Variants in PNMA5 observed in about 807,000 individuals in gnomAD.
PNMA5 encodes paraneoplastic antigen-like protein 5.
For missense variants in PNMA5, 334 were observed against 356.6 expected (o/e 0.94, Z 0.51); for synonymous variants, 138 against 137.9 (o/e 1.00, Z 0.00).
Position 152,990,840 on chromosome X carries a change from C to T in PNMA5, c.759G>A (p.Pro253=), listed in dbSNP as rs782116075. ...AAGTGGAGACTTTCTCTCCAATCTT[C>T]GGAGAGGTCTGCAGAAACCTAAACT... ...ASQFRFLQTS[P]KIGEKVSTFL... The change falls in exon 4 of 4, where the codon CCG becomes CCA. Residue 253 remains proline, a synonymous_variant. Transcript: ENST00000535214. 29 of 1,203,060 alleles carry T rather than the reference C, an allele frequency of 2.4e-5. No individual in the cohort carries two copies. Among genetic ancestry groups the T allele is most frequent in the South Asian group, 3.6e-5 (2 of 55,320 alleles).
Position 152,990,984 on chromosome X carries a change from A to T in PNMA5, c.615T>A (p.Arg205=). ...EKRRRLLESL[R]GPALSIMRVL... ...CCCGCATGATTGACAGAGCAGGCCC[A>T]CGTAAGCTCTCCAGCAAACGCCGCC... Residue 205 remains arginine, a synonymous_variant, in exon 4 of 4, where the codon CGT becomes CGA. Transcript: ENST00000535214. The T allele has an allele frequency of 8.3e-7, 1 of 1,198,832 alleles. No individual in the cohort carries two copies. Among genetic ancestry groups the T allele is most frequent in the Non-Finnish European group, 1.1e-6 (1 of 890,245 alleles).
Position 152,991,457 on chromosome X carries a change from C to T in PNMA5, c.142G>A (p.Ala48Thr), listed in dbSNP as rs200173729. 147 of 1,204,110 alleles carry T rather than the reference C, an allele frequency of 1.2e-4. No homozygotes were observed. Among genetic ancestry groups the T allele is most frequent in the South Asian group, 1.1e-4 (6 of 55,294 alleles). Residue 48 changes from alanine to threonine, a missense_variant, in exon 4 of 4, where the codon GCA (alanine) becomes ACA (threonine). Coordinates refer to ENST00000535214, the MANE Select transcript of PNMA5 (RefSeq NM_001184924.2). ...TVKAGLQPLC[A>T]YRVLGRMFRR... ...AACATTCTCCCTAGGACCCTGTATG[C>T]GCACAGGGGCTGTAAGCCTGCCTTC...
In PNMA5 at chrX:152,990,917, G is replaced by A; in HGVS notation, c.682C>T (p.Leu228Phe). Residue 228 changes from leucine to phenylalanine, a missense_variant, in exon 4 of 4, where the codon CTT (leucine) becomes TTT (phenylalanine). Transcript: ENST00000535214. ...CCAAAGATCTGCTTTAGGGCGTCAA[G>A]GCACTGCTCCACAGTTATGGAGTCA... ...NNDSITVEQC[L>F]DALKQIFGDK... The A allele has an allele frequency of 8.3e-7, 1 of 1,202,946 alleles. No individual in the cohort carries two copies. The highest frequency in any genetic ancestry group is 1.8e-5 in the South Asian group (1 of 54,661).
In PNMA5 at chrX:152,991,473, G is replaced by C; in HGVS notation, c.126C>G (p.Gly42=). The change falls in exon 4 of 4, where the codon GGC becomes GGG. Residue 42 remains glycine, a synonymous_variant. Transcript: ENST00000535214. ...CCCTGTATGCGCACAGGGGCTGTAAGCCTGCCTTCACAGTGTCCTGAATTT... is the reference window on the plus strand; with the variant it reads ...CCCTGTATGCGCACAGGGGCTGTAACCCTGCCTTCACAGTGTCCTGAATTT... ...EVEIQDTVKA[G]LQPLCAYRVL... is the part of the protein sequence containing the mutation. The C allele has an allele frequency of 6.6e-6, 8 of 1,208,025 alleles. No individual in the cohort carries two copies. The highest frequency in any genetic ancestry group is 8.9e-6 in the Non-Finnish European group (8 of 893,911).
In PNMA5 at chrX:152,991,110, C is replaced by A. The variant is rs782386047; in HGVS notation, c.489G>T (p.Ser163=). ...SMWYRKLKVF[S]GTASPSPGEE... ...CGCCTGGGCTAGGGGAAGCAGTTCC[C>A]GAAAACACTTTCAGTTTCCTGTACC... The change falls in exon 4 of 4, where the codon TCG becomes TCT. Residue 163 remains serine (S), a synonymous_variant. Transcript: ENST00000535214. 5 of 1,206,216 alleles carry A rather than the reference C, an allele frequency of 4.1e-6. No individual in the cohort carries two copies. Among genetic ancestry groups the A allele is most frequent in the Non-Finnish European group, 5.6e-6 (5 of 893,376 alleles).
At chrX:152,992,464 T>C (rs1488210103) in intron 2 of PNMA5, among the ~76,000 whole-genome samples, 193 bp downstream of exon 2, 1 of 111,903 alleles carries the variant, frequency 8.9e-6, no homozygotes, top group Admixed American at 9.4e-5. Flanking sequence ...TTCAATTGTG[T>C]GGAAGCTGAA....
At position 152,991,378 on chromosome X, in the gene PNMA5, T is replaced by C; in HGVS notation, c.221A>G (p.Asn74Ser). The C allele has an allele frequency of 2.5e-6, 3 of 1,200,488 alleles. No homozygotes were observed. The highest frequency in any genetic ancestry group is 2.2e-6 in the Non-Finnish European group (2 of 890,291). ...AVFIELADTV[N>S]YTTLPSHIPG... ...TATGTGACTGGGCAGAGTAGTGTAA[T>C]TGACAGTGTCAGCCAGTTCAATGAA... The change falls in exon 4 of 4, where the codon AAT becomes AGT. Residue 74 changes from asparagine to serine, a missense_variant. Physicochemically the swap from Asn to Ser is conservative, Grantham distance 46 (BLOSUM62 1). Transcript: ENST00000535214.
chrX:152,992,903 T>C (rs1035436787), intron 1 of PNMA5, 117 bp from the exon 2 acceptor site: 11 of 103,327 alleles, frequency 1.1e-4, no homozygotes, highest in Non-Finnish European at 1.2e-4. Flanking sequence ...GGTGCAGGGA[T>C]AGAAGAAACT....
chrX:152,990,916 A>G lies in PNMA5; in HGVS notation c.683T>C (p.Leu228Pro). ...CCCAAAGATCTGCTTTAGGGCGTCA[A>G]GGCACTGCTCCACAGTTATGGAGTC... ...NNDSITVEQC[L>P]DALKQIFGDK... The change falls in exon 4 of 4, where the codon CTT becomes CCT. Residue 228 changes from leucine to proline, a missense_variant. Transcript: ENST00000535214. The G allele has an allele frequency of 8.3e-7, 1 of 1,203,863 alleles. No individual in the cohort carries two copies. The highest frequency in any genetic ancestry group is 1.1e-6 in the Non-Finnish European group (1 of 892,341).
intron 1 of PNMA5, among the ~76,000 whole-genome samples, chrX:152,993,343 C>G (rs1016307711): frequency 4.6e-5 from 5 of 108,965 alleles, no homozygotes; most frequent in Non-Finnish European, 7.6e-5. Context: ...CTGATATCCC[C>G]AAATCCCCTA....
Position 152,990,941 on chromosome X carries a change from C to T in PNMA5, c.658G>A (p.Asp220Asn). The T allele has an allele frequency of 8.4e-7, 1 of 1,194,339 alleles. No homozygotes were observed. The highest frequency in any genetic ancestry group is 1.1e-6 in the Non-Finnish European group (1 of 888,252). ...SIMRVLQANN[D>N]SITVEQCLDA... ...AGGCACTGCTCCACAGTTATGGAGT[C>T]ATTGTTGGCCTGGAGCACCCGCATG... The change falls in exon 4 of 4, where the codon GAC (aspartate) becomes AAC (asparagine). Residue 220 changes from aspartate to asparagine, a missense_variant. Asp to Asn is a conservative substitution (Grantham distance 23). Transcript: ENST00000535214.
chrX:152,993,386 C>T (rs912750678), intron 1 of PNMA5, among the ~76,000 whole-genome samples: 2 of 110,364 alleles, frequency 1.8e-5, no homozygotes, highest in East Asian at 5.7e-4. Flanking sequence ...AATCCCCACC[C>T]GGTTATCTAC....
At position 152,990,965 on chromosome X, in the gene PNMA5, T is replaced by G. The variant is rs782321708; in HGVS notation, c.634A>C (p.Met212Leu). Reference sequence around the variant, plus strand: ...TCATTGTTGGCCTGGAGCACCCGCATGATTGACAGAGCAGGCCCACGTAAG... The same window carrying G: ...TCATTGTTGGCCTGGAGCACCCGCAGGATTGACAGAGCAGGCCCACGTAAG... ...ESLRGPALSI[M>L]RVLQANNDSI... Residue 212 changes from methionine (M) to leucine (L), a missense_variant, in exon 4 of 4, where the codon ATG (methionine) becomes CTG (leucine). Coordinates refer to ENST00000535214, the MANE Select transcript of PNMA5 (RefSeq NM_001184924.2). The G allele has an allele frequency of 8.4e-7, 1 of 1,195,865 alleles. No individual in the cohort carries two copies. Among genetic ancestry groups the G allele is most frequent in the Admixed American group, 2.3e-5 (1 of 43,618 alleles).
Position 152,990,205 on chromosome X carries a change from ATG to A in PNMA5, c.*45_*46del. On this transcript the variant is annotated 3_prime_UTR_variant, in exon 4 of 4. Coordinates refer to ENST00000535214, the MANE Select transcript of PNMA5 (RefSeq NM_001184924.2). ...TAAGCTGCCCCTTCCCCTTGTTCAA[ATG>A]TCCCTGCTGCCTGCCAGGGGAAGGA... 9.5e-7 allele frequency: 1 copy of A among 1,056,252 alleles called. No individual in the cohort carries two copies. Among genetic ancestry groups the A allele is most frequent in the Non-Finnish European group, 1.2e-6 (1 of 817,662 alleles). The allele number at this position is 1,056,252 out of a possible 1,213,427, so 87.0% of individuals were successfully genotyped here. A position where few individuals can be genotyped will look rare whatever the true frequency, so the allele number is the denominator to read the frequency against.
intron 1 of PNMA5, among the ~76,000 whole-genome samples, chrX:152,992,996 G>T (rs1407160251): frequency 2.1e-5 from 2 of 96,356 alleles, no homozygotes; most frequent in Non-Finnish European, 4.2e-5. Context: ...AGGGAGGTAG[G>T]GGGTGGGGGC....
chrX:152,990,908 G>A lies in PNMA5; in HGVS notation c.691C>T (p.Leu231=). The A allele has an allele frequency of 8.3e-7, 1 of 1,205,279 alleles. No homozygotes were observed. The highest frequency in any genetic ancestry group is 1.1e-6 in the Non-Finnish European group (1 of 892,925). The stretch of plus-strand genomic sequence containing the variant: ...TCTTTATCCCCAAAGATCTGCTTTA[G>A]GGCGTCAAGGCACTGCTCCACAGTT... ...SITVEQCLDA[L]KQIFGDKEDF... is the part of the protein sequence containing the mutation. The change falls in exon 4 of 4, where the codon CTA becomes TTA. Residue 231 remains leucine, a synonymous_variant. Coordinates refer to ENST00000535214, the MANE Select transcript of PNMA5 (RefSeq NM_001184924.2).
chrX:152,991,266 T>C lies in PNMA5; in HGVS notation c.333A>G (p.Lys111=). The change falls in exon 4 of 4, where the codon AAA becomes AAG. Residue 111 remains lysine (K), a synonymous_variant. Transcript: ENST00000535214. ...EFLSRLNYFL[K]DEGRSMTDVA... ...CATCTGTCATACTTCGGCCCTCATC[T>C]TTCAGGAAGTAGTTCAGTCTACTGA... 8.3e-7 allele frequency: 1 copy of C among 1,205,123 alleles called. No individual in the cohort carries two copies. Among genetic ancestry groups the C allele is most frequent in the Non-Finnish European group, 1.1e-6 (1 of 892,578 alleles).
chrX:152,990,635 T>C lies in PNMA5; in HGVS notation c.964A>G (p.Met322Val). Residue 322 changes from methionine (M) to valine (V), a missense_variant, in exon 4 of 4, where the codon ATG (methionine) becomes GTG (valine). Coordinates refer to ENST00000535214, the MANE Select transcript of PNMA5 (RefSeq NM_001184924.2). ...TCTTCTTCATCTCGAATGAGCTTCATTAACTCCAGAAAATTGGGAGGACAC... is the reference window on the plus strand; with the variant it reads ...TCTTCTTCATCTCGAATGAGCTTCACTAACTCCAGAAAATTGGGAGGACAC... Reference protein sequence around the residue: ...RGCPPNFLELMKLIRDEEEWE... With the variant: ...RGCPPNFLELVKLIRDEEEWE... 1 of 1,174,110 alleles carries C rather than the reference T, an allele frequency of 8.5e-7. No homozygotes were observed. The highest frequency in any genetic ancestry group is 1.1e-6 in the Non-Finnish European group (1 of 879,173).
chrX:152,992,952 G>A (rs1556924871), intron 1 of PNMA5, among the ~76,000 whole-genome samples, 166 bp from the exon 2 acceptor site: 2 of 96,444 alleles, frequency 2.1e-5, no homozygotes, highest in African/African-American at 7.7e-5. Context: ...GGGAGGAGTC[G>A]GGGGACGAAT....
Sources: allele counts gnomAD v4.1 joint callset (sites outside exome capture counted in the v4.1 genomes callset), GRCh38; gene constraint gnomAD v4.1.1; transcripts MANE v1.5; gene names NCBI Gene and HGNC (gene_info 2026-07-23, HGNC 2026-07-21).